SNTB1: variants seen among roughly 807,000 people sequenced by gnomAD.
SNTB1 encodes the protein beta-1-syntrophin.
Under a neutral mutation model 48.9 loss-of-function variants are expected in SNTB1, and 36 were observed. The ratio of observed to expected loss-of-function variants is 0.74; its 90% confidence interval spans 0.56 to 0.97. SNTB1 has a LOEUF of 0.97. Among genes scored for constraint, SNTB1 ranks in the 50% least tolerant of loss-of-function variants. The probability of loss-of-function intolerance (pLI) is 0.00; values close to 1 mark genes in which losing one functional copy is unlikely to be tolerated. For synonymous variants in SNTB1, 299 were observed against 294.6 expected (o/e 1.01, Z -0.15); for missense variants, 786 against 703.4 (o/e 1.12, Z -1.33).
chr8:120,797,558 T>TTC (rs1820142849), intron 1 of SNTB1, among the ~76,000 whole-genome samples: 1 of 138,066 alleles, frequency 7.2e-6, no homozygotes, highest in Non-Finnish European at 1.5e-5. Context: ...TTTTTTTTTT[T>TTC]TTTTTTTTTT....
rs77402861 is a variant in SNTB1 at position 120,640,287 on chromosome 8, A to G, written c.789-7636T>C. Among the ~76,000 whole-genome samples, 139 of 151,280 alleles carry G rather than the reference A, an allele frequency of 9.2e-4. 1 individual carries two copies. The East Asian group carries it at 0.025, about 27-fold the overall frequency. On this transcript the variant is annotated intron_variant, in intron 2 of 6. Transcript: ENST00000517992. ...TTTAAGGAGATTTTGGGCTGAGACAATGGGGTTTTCTAAATATACAATCAT... is the reference window on the plus strand; with the variant it reads ...TTTAAGGAGATTTTGGGCTGAGACAGTGGGGTTTTCTAAATATACAATCAT...
intron 1 of SNTB1, among the ~76,000 whole-genome samples, chr8:120,697,998 G>A (rs1049531214): frequency 7.2e-5 from 11 of 152,256 alleles, no homozygotes; most frequent in African/African-American, 2.4e-4. Flanking sequence ...GAACAGATGT[G>A]AAGGATAAAG....
At chr8:120,810,616 G>A (rs1022196321) in intron 1 of SNTB1, among the ~76,000 whole-genome samples, 1 of 152,204 alleles carries the variant, frequency 6.6e-6, no homozygotes, top group Non-Finnish European at 1.5e-5. Context: ...CCGGCAGGGA[G>A]AGCGAATTTT....
intron 3 of SNTB1, among the ~76,000 whole-genome samples, chr8:120,621,535 T>C (rs1169075471): frequency 6.6e-6 from 1 of 152,112 alleles, no homozygotes; most frequent in Non-Finnish European, 1.5e-5. Flanking sequence ...TGAGCCAAAA[T>C]AAAGTAGTAG....
intron 1 of SNTB1, among the ~76,000 whole-genome samples, chr8:120,784,333 T>C (rs1819885459): frequency 6.6e-6 from 1 of 151,976 alleles, no homozygotes; most frequent in South Asian, 2.1e-4. Flanking sequence ...ATCCAATGAT[T>C]ATGGTATCCA....
chr8:120,594,638 T>G (rs1478981632), intron 3 of SNTB1, among the ~76,000 whole-genome samples: 1 of 152,170 alleles, frequency 6.6e-6, no homozygotes, highest in Non-Finnish European at 1.5e-5. Context: ...CCTTCCAAAG[T>G]ACTGGGATTA....
At chr8:120,542,587 G>C (rs1815306683) in intron 5 of SNTB1, among the ~76,000 whole-genome samples, 1 of 152,134 alleles carries the variant, frequency 6.6e-6, no homozygotes, top group South Asian at 2.1e-4. Context: ...TTGGGAGGCA[G>C]AGGTTGCAGT....
In SNTB1 at chr8:120,797,922, C is replaced by T. The variant is rs538701625; in HGVS notation, c.571+13351G>A. Among the ~76,000 whole-genome samples the T allele has an allele frequency of 6.6e-5, 10 of 152,020 alleles. No individual in the cohort carries two copies. The East Asian group carries it at 1.7e-3, about 27-fold the overall frequency. ...CTTTATTCCACGCCTAGCTTTTGATCGTCACTCTGTGGCTCAGTAGTTCTC... is the reference window on the plus strand; with the variant it reads ...CTTTATTCCACGCCTAGCTTTTGATTGTCACTCTGTGGCTCAGTAGTTCTC... On this transcript the variant is annotated intron_variant, in intron 1 of 6. Transcript: ENST00000517992.
chr8:120,553,464 A>T (rs1418752144), intron 4 of SNTB1, among the ~76,000 whole-genome samples: 1 of 152,024 alleles, frequency 6.6e-6, no homozygotes, highest in African/African-American at 2.4e-5. Context: ...CCCAGATAAA[A>T]CTCAAGTGAA....
At chr8:120,750,475 T>A (rs186501239) in intron 1 of SNTB1, among the ~76,000 whole-genome samples, 165 of 152,246 alleles carry the variant, frequency 1.1e-3, no homozygotes, top group African/African-American at 3.6e-3. Flanking sequence ...TTCTTATCAT[T>A]CATCAAAATC....
intron 3 of SNTB1, among the ~76,000 whole-genome samples, chr8:120,609,449 G>A (rs556797651): frequency 2.0e-5 from 3 of 152,288 alleles, no homozygotes; most frequent in Admixed American, 1.3e-4. Context: ...AGCAGGGGCT[G>A]GGGCAGGACA....
At chr8:120,716,234 A>G (rs954650683) in intron 1 of SNTB1, among the ~76,000 whole-genome samples, 5 of 152,232 alleles carry the variant, frequency 3.3e-5, no homozygotes, top group African/African-American at 1.2e-4. Flanking sequence ...CCACAGACTG[A>G]CTGCCTGAGA....
chr8:120,795,126 T>C (rs1020453192), intron 1 of SNTB1, among the ~76,000 whole-genome samples: 1 of 152,080 alleles, frequency 6.6e-6, no homozygotes, highest in African/African-American at 2.4e-5. Flanking sequence ...ACATTTAAAA[T>C]TTATTTGTAT....
At chr8:120,544,120 G>A (rs149534708) in intron 5 of SNTB1, among the ~76,000 whole-genome samples, 13 of 152,122 alleles carry the variant, frequency 8.5e-5, no homozygotes, top group South Asian at 6.2e-4. Flanking sequence ...TCTACAACCC[G>A]CAGACCATGT....
chr8:120,601,535 G>A (rs1487089991), intron 3 of SNTB1, among the ~76,000 whole-genome samples: 1 of 152,136 alleles, frequency 6.6e-6, no homozygotes, highest in Non-Finnish European at 1.5e-5. Context: ...CAGTTTTAAA[G>A]TCCTTTACAA....
At chr8:120,624,348 A>G (rs1816840909) in intron 3 of SNTB1, among the ~76,000 whole-genome samples, 1 of 152,212 alleles carries the variant, frequency 6.6e-6, no homozygotes, top group Non-Finnish European at 1.5e-5. Flanking sequence ...GTGTCATCCC[A>G]TGACAGAAGA....
At chr8:120,704,782 G>C (rs1563856471) in intron 1 of SNTB1, among the ~76,000 whole-genome samples, 1 of 152,190 alleles carries the variant, frequency 6.6e-6, no homozygotes, top group Non-Finnish European at 1.5e-5. Context: ...GAGATTTTAA[G>C]AGTTTCACAC....
At chr8:120,585,010 C>T (rs1431526444) in intron 3 of SNTB1, among the ~76,000 whole-genome samples, 1 of 152,134 alleles carries the variant, frequency 6.6e-6, no homozygotes, top group Admixed American at 6.5e-5. Flanking sequence ...CCAGCTGACA[C>T]CTTAATCTCC....
rs575869467 is a variant in SNTB1 at position 120,802,948 on chromosome 8, G to A, written c.571+8325C>T. 1.3e-3 allele frequency among the ~76,000 whole-genome samples: 196 copies of A among 152,016 alleles called. 1 individual carries two copies. The highest frequency in any genetic ancestry group is 4.5e-3 in the African/African-American group (186 of 41,446). On this transcript the variant is annotated intron_variant, in intron 1 of 6. Coordinates refer to ENST00000517992, the MANE Select transcript of SNTB1 (RefSeq NM_021021.4). ...ATGGAATAGGAATTGAAGCCCAGAC[G>A]GAGTAAATCTAACACCCATCCTCTA...
Sources: gnomAD v4.1 joint callset for allele counts (sites outside exome capture counted in the v4.1 genomes callset) on GRCh38, gnomAD v4.1.1 for gene constraint, MANE v1.5 for transcripts, NCBI Gene and HGNC (gene_info 2026-07-23, HGNC 2026-07-21) for gene names.